ROR1: variants seen among roughly 807,000 people sequenced by gnomAD.
ROR1 encodes the protein ROR family WNT receptor 1.
A neutral mutation model predicts 78.8 loss-of-function variants in ROR1; 19 were observed. That is an observed-to-expected ratio of 0.24 (90% CI 0.17 to 0.35). ROR1 has a LOEUF of 0.35. Ranked by LOEUF, ROR1 falls within the 10% of genes least tolerant of loss-of-function variation. The pLI, the probability that ROR1 is intolerant of heterozygous loss-of-function variation, is 1.00. For synonymous variants in ROR1, 386 were observed against 433.6 expected (o/e 0.89, Z 1.36); for missense variants, 917 against 1,177.8 (o/e 0.78, Z 3.24).
intron 2 of ROR1, among the ~76,000 whole-genome samples, chr1:64,046,032 A>C (rs1360322425): frequency 6.6e-6 from 1 of 152,204 alleles, no homozygotes; most frequent in Non-Finnish European, 1.5e-5. Flanking sequence ...TTTACACATA[A>C]AAGCCAGATT....
intron 1 of ROR1, among the ~76,000 whole-genome samples, chr1:63,875,363 T>C (rs1470857847): frequency 6.6e-6 from 1 of 152,182 alleles, no homozygotes; most frequent in African/African-American, 2.4e-5. Flanking sequence ...GGCTTTAGAA[T>C]TAGACAGGGC....
chr1:63,877,986 A>G (rs747531616), intron 1 of ROR1, among the ~76,000 whole-genome samples: 1 of 152,194 alleles, frequency 6.6e-6, no homozygotes, highest in African/African-American at 2.4e-5. Flanking sequence ...GATTCTGACC[A>G]TAGAAACATT....
At chr1:63,871,354 A>T (rs1645250339) in intron 1 of ROR1, among the ~76,000 whole-genome samples, 1 of 152,196 alleles carries the variant, frequency 6.6e-6, no homozygotes, top group Non-Finnish European at 1.5e-5. Flanking sequence ...TGAGGAAGTT[A>T]GCAAGTGCTT....
chr1:63,972,711 A>G (rs1646128454), intron 1 of ROR1, among the ~76,000 whole-genome samples: 1 of 152,222 alleles, frequency 6.6e-6, no homozygotes, highest in South Asian at 2.1e-4. Context: ...ACTGAAAAGT[A>G]ATGGGGACTC....
At chr1:64,022,277 T>C (rs564832243) in intron 2 of ROR1, among the ~76,000 whole-genome samples, 1 of 152,328 alleles carries the variant, frequency 6.6e-6, no homozygotes, top group Non-Finnish European at 1.5e-5. Context: ...GTACACACTT[T>C]CCTTTTGGGC....
intron 1 of ROR1, among the ~76,000 whole-genome samples, chr1:63,900,938 G>C (rs1027466484): frequency 6.6e-6 from 1 of 152,118 alleles, no homozygotes; most frequent in Non-Finnish European, 1.5e-5. Flanking sequence ...ATTACAAACA[G>C]TAACTCACAT....
At chr1:63,872,916 C>T (rs1645261138) in intron 1 of ROR1, among the ~76,000 whole-genome samples, 1 of 152,128 alleles carries the variant, frequency 6.6e-6, no homozygotes, top group African/African-American at 2.4e-5. Context: ...TTTTTATAAT[C>T]TCTTTTGGTT....
At chr1:63,911,386 C>T (rs979955221) in intron 1 of ROR1, among the ~76,000 whole-genome samples, 3 of 152,108 alleles carry the variant, frequency 2.0e-5, no homozygotes, top group Admixed American at 6.5e-5. Flanking sequence ...AGCCGAGCCT[C>T]ACAGCAGAAG....
At chr1:64,155,916 C>G (rs533899336) in intron 7 of ROR1, among the ~76,000 whole-genome samples, 59 of 152,148 alleles carry the variant, frequency 3.9e-4, no homozygotes, top group African/African-American at 1.4e-3. Context: ...TTCAATTATC[C>G]AAGGTTCTTT....
intron 7 of ROR1, among the ~76,000 whole-genome samples, chr1:64,146,735 G>T (rs1649484574): frequency 6.6e-6 from 1 of 152,188 alleles, no homozygotes; most frequent in African/African-American, 2.4e-5. Flanking sequence ...GCAGCATCCA[G>T]ATCAAACCCA....
chr1:63,929,722 T>G (rs1216669011), intron 1 of ROR1, among the ~76,000 whole-genome samples: 1 of 152,248 alleles, frequency 6.6e-6, no homozygotes, highest in African/African-American at 2.4e-5. Context: ...GCTGTAATGA[T>G]AACTAACATT....
At chr1:63,825,121 G>A (rs1209477076) in intron 1 of ROR1, among the ~76,000 whole-genome samples, 4 of 152,130 alleles carry the variant, frequency 2.6e-5, no homozygotes, top group African/African-American at 9.7e-5. Flanking sequence ...ACAACAATTT[G>A]GCAGTTTCTT....
Position 63,974,873 on chromosome 1 carries a change from A to T in ROR1, c.92-34432A>T, listed in dbSNP as rs181641796. Among the ~76,000 whole-genome samples, 18 of 152,264 alleles carry T rather than the reference A, an allele frequency of 1.2e-4. No homozygotes were observed. The East Asian group carries it at 3.5e-3, about 29-fold the overall frequency. Reference sequence around the variant, plus strand: ...CTACATTTACTGAGGTATGAGGGGGACAGTGCAGAACTTGGGTTCCACCTC... The same window carrying T: ...CTACATTTACTGAGGTATGAGGGGGTCAGTGCAGAACTTGGGTTCCACCTC... On this transcript the variant is annotated intron_variant, in intron 1 of 8. Coordinates refer to ENST00000371079, the MANE Select transcript of ROR1 (RefSeq NM_005012.4).
intron 4 of ROR1, among the ~76,000 whole-genome samples, chr1:64,069,420 T>C (rs1426745937): frequency 6.6e-6 from 1 of 152,196 alleles, no homozygotes; most frequent in Non-Finnish European, 1.5e-5. Flanking sequence ...ATCAATTTTC[T>C]GTTTAGGGCT....
intron 1 of ROR1, among the ~76,000 whole-genome samples, chr1:63,936,502 G>A (rs1022438640): frequency 6.6e-6 from 1 of 152,114 alleles, no homozygotes; most frequent in Non-Finnish European, 1.5e-5. Flanking sequence ...CAGCATTTAA[G>A]GAATATATGA....
At chr1:64,160,113 T>C (rs1179186678) in intron 8 of ROR1, among the ~76,000 whole-genome samples, 1 of 152,144 alleles carries the variant, frequency 6.6e-6, no homozygotes, top group African/African-American at 2.4e-5. Flanking sequence ...TCAACAAATA[T>C]TTATCTTCCC....
At chr1:63,841,987 A>G (rs1426351564) in intron 1 of ROR1, among the ~76,000 whole-genome samples, 1 of 152,122 alleles carries the variant, frequency 6.6e-6, no homozygotes, top group Non-Finnish European at 1.5e-5. Flanking sequence ...AGCACCCACT[A>G]TGCCTCATTA....
intron 4 of ROR1, among the ~76,000 whole-genome samples, chr1:64,054,181 T>G (rs1386522161): frequency 5.9e-5 from 9 of 152,206 alleles, no homozygotes. Flanking sequence ...CTCGAACTCC[T>G]GGCCTCAAGC....
intron 1 of ROR1, among the ~76,000 whole-genome samples, chr1:63,938,450 T>G (rs1160435923): frequency 6.6e-6 from 1 of 152,030 alleles, no homozygotes; most frequent in African/African-American, 2.4e-5. Context: ...GCACCTCCCC[T>G]TAGTGACTTT....
Sources: allele counts gnomAD v4.1 joint callset (sites outside exome capture counted in the v4.1 genomes callset), GRCh38; gene constraint gnomAD v4.1.1; transcripts MANE v1.5; gene names NCBI Gene and HGNC (gene_info 2026-07-23, HGNC 2026-07-21).